The following KIAA1671 variants were observed in gnomAD, a reference collection of about 807,000 sequenced individuals.
KIAA1671 encodes the protein uncharacterized protein KIAA1671.
Under a neutral mutation model 131.2 loss-of-function variants are expected in KIAA1671, and 52 were observed. The observed-to-expected ratio is 0.40, with a 90% CI of 0.32 to 0.50. The LOEUF (loss-of-function observed/expected upper bound fraction) is 0.50, where lower values mean the gene tolerates loss of function less well. KIAA1671 is among the 20% of genes least tolerant of loss of function. The probability of loss-of-function intolerance (pLI) is 0.73; values close to 1 mark genes in which losing one functional copy is unlikely to be tolerated. For missense variants in KIAA1671, 2,360 were observed against 2,364.2 expected, an observed-to-expected ratio of 1.00 and a Z score of 0.04; for synonymous variants, 1,003 against 961.6, an observed-to-expected ratio of 1.04 and a Z score of -0.80.
intron 1 of KIAA1671, among the ~76,000 whole-genome samples, chr22:24,997,655 G>A (rs573878765): frequency 2.0e-5 from 3 of 152,228 alleles, no homozygotes; most frequent in South Asian, 4.1e-4. Flanking sequence ...CAAGGCTGTG[G>A]TGGTGAGGGG....
At chr22:24,962,182 C>G (rs575426625) in intron 1 of KIAA1671, among the ~76,000 whole-genome samples, 1 of 152,150 alleles carries the variant, frequency 6.6e-6, no homozygotes, top group Non-Finnish European at 1.5e-5. Context: ...GAGAACGCAG[C>G]GACGCCAAGG....
chr22:24,966,749 T>C (rs1922325465), intron 1 of KIAA1671, among the ~76,000 whole-genome samples: 1 of 152,136 alleles, frequency 6.6e-6, no homozygotes, highest in South Asian at 2.1e-4. Context: ...GCCCAGGAGT[T>C]TGAGACCAGC....
At chr22:25,120,296 C>G (rs1205841550) in intron 6 of KIAA1671, among the ~76,000 whole-genome samples, 3 of 152,252 alleles carry the variant, frequency 2.0e-5, no homozygotes, top group African/African-American at 7.2e-5. Context: ...CATGATGTCA[C>G]TTCATTCTCT....
intron 7 of KIAA1671, among the ~76,000 whole-genome samples, chr22:25,173,235 C>G (rs1010893989): frequency 6.6e-6 from 1 of 151,992 alleles, no homozygotes; most frequent in Non-Finnish European, 1.5e-5. Context: ...TTCCCCCCAC[C>G]AGGCCCTTCC....
chr22:25,170,892 G>C lies in KIAA1671; in HGVS notation c.4603G>C (p.Gly1535Arg), dbSNP rs960643773. Residue 1535 changes from glycine (G) to arginine (R), a missense_variant, in exon 7 of 13, where the codon GGC becomes CGC. Gly to Arg is a moderately radical substitution (Grantham distance 125, BLOSUM62 -2). This residue lies in a region of KIAA1671 where 1,161 missense variants were observed against 1,204.7 expected (regional missense o/e 0.96). Transcript: ENST00000358431. ...CACTGACACCCTCGTGCACGAAGCC[G>C]GCAGCCAGTATGGGACGTGGACAGA... ...KDTDTLVHEA[G>R]SQYGTWTEQC... 6.4e-7 allele frequency: 1 copy of C among 1,551,646 alleles called. No homozygotes were observed. The highest frequency in any genetic ancestry group is 8.7e-7 in the Non-Finnish European group (1 of 1,147,012).
chr22:25,090,078 C>G (rs1929948716), intron 6 of KIAA1671, among the ~76,000 whole-genome samples: 1 of 152,218 alleles, frequency 6.6e-6, no homozygotes, highest in Non-Finnish European at 1.5e-5. Context: ...CAAATGCCCC[C>G]ACCTCTGCCA....
intron 6 of KIAA1671, among the ~76,000 whole-genome samples, chr22:25,081,196 A>C (rs983266844): frequency 1.3e-5 from 2 of 152,072 alleles, no homozygotes; most frequent in Non-Finnish European, 2.9e-5. Flanking sequence ...CCTCTCTGGG[A>C]CTCAGTTTCT....
chr22:24,986,650 CCCACCCACCCAT>C (rs1569198981), intron 1 of KIAA1671, among the ~76,000 whole-genome samples: 6 of 109,518 alleles, frequency 5.5e-5, no homozygotes, highest in African/African-American at 2.1e-4. Flanking sequence ...CACCCATCCA[CCCACCCACCCAT>C]CCACCCACCC....
chr22:25,185,681 A>G (rs1934454087), intron 11 of KIAA1671: 1 of 152,442 alleles, frequency 6.6e-6, no homozygotes, highest in Admixed American at 6.5e-5. Flanking sequence ...GGTGGAGGTT[A>G]AGAACAGGGG....
chr22:24,974,816 C>T (rs1398203728), intron 1 of KIAA1671, among the ~76,000 whole-genome samples: 1 of 151,664 alleles, frequency 6.6e-6, no homozygotes, highest in Admixed American at 6.6e-5. Context: ...TCTCAGCCTC[C>T]CGAGTAGCTG....
chr22:25,098,420 A>G (rs1321426502), intron 6 of KIAA1671, among the ~76,000 whole-genome samples: 1 of 152,136 alleles, frequency 6.6e-6, no homozygotes, highest in Non-Finnish European at 1.5e-5. Flanking sequence ...GACATAGAAG[A>G]TTTCTGTTCT....
chr22:25,027,189 T>C (rs1925993809), intron 2 of KIAA1671, among the ~76,000 whole-genome samples: 2 of 151,800 alleles, frequency 1.3e-5, no homozygotes, highest in Non-Finnish European at 1.5e-5. Context: ...TGAAAGCAGG[T>C]TGAGTGAGAA....
intron 6 of KIAA1671, among the ~76,000 whole-genome samples, chr22:25,116,886 A>T (rs1371655834): frequency 6.6e-6 from 1 of 152,150 alleles, no homozygotes; most frequent in Non-Finnish European, 1.5e-5. Context: ...AAATGAGAGA[A>T]CTATCTTAAA....
intron 9 of KIAA1671, among the ~76,000 whole-genome samples, chr22:25,180,536 CA>C (rs11334297): frequency 0.33 from 48,241 of 145,182 alleles, 8,007 homozygotes; most frequent in East Asian, 0.49. Context: ...GACTCTGTCT[CA>C]AAAAAAAAAA....
intron 6 of KIAA1671, chr22:25,050,683 C>A (rs375485297): frequency 2.9e-4 from 44 of 152,420 alleles, no homozygotes; most frequent in African/African-American, 9.6e-4. Flanking sequence ...GACTGTGGGG[C>A]TGAGGGAGAC....
intron 1 of KIAA1671, among the ~76,000 whole-genome samples, chr22:24,963,764 C>G (rs998299497): frequency 1.3e-5 from 2 of 151,456 alleles, no homozygotes; most frequent in African/African-American, 4.9e-5. Flanking sequence ...CATGGTGAAA[C>G]CCCGTCTCTA....
At position 25,049,286 on chromosome 22, in the gene KIAA1671, C is replaced by G; in HGVS notation, c.4452C>G (p.Leu1484=). 1 of 1,551,888 alleles carries G rather than the reference C, an allele frequency of 6.4e-7. No individual in the cohort carries two copies. Residue 1484 remains leucine, a synonymous_variant, in exon 6 of 13, where the codon CTC becomes CTG. Transcript: ENST00000358431. The part of the protein sequence containing the change: ...EDAPQEKERP[L]QQVSPVASVP... ...CCCCCCAGGAGAAGGAGCGACCGCTCCAGCAGGTGTCCCCTGTGGCCTCGG... is the reference window on the plus strand; with the variant it reads ...CCCCCCAGGAGAAGGAGCGACCGCTGCAGCAGGTGTCCCCTGTGGCCTCGG...
At position 25,041,177 on chromosome 22, in the gene KIAA1671, G is replaced by A; in HGVS notation, c.4047G>A (p.Lys1349=). ...AKCQNYLAES[K]PSGREDPGSG... ...GTCAGAATTACCTGGCTGAGTCAAAGCCCTCTGGTCGGGAGGATCCAGGCA... is the reference window on the plus strand; with the variant it reads ...GTCAGAATTACCTGGCTGAGTCAAAACCCTCTGGTCGGGAGGATCCAGGCA... Residue 1349 remains lysine (K), a synonymous_variant, in exon 5 of 13, where the codon AAG becomes AAA. Transcript: ENST00000358431. The A allele has an allele frequency of 6.4e-7, 1 of 1,551,776 alleles. No homozygotes were observed. Among genetic ancestry groups the A allele is most frequent in the Non-Finnish European group, 8.7e-7 (1 of 1,146,988 alleles).
chr22:24,976,902 G>A (rs1466652972), intron 1 of KIAA1671, among the ~76,000 whole-genome samples: 4 of 141,466 alleles, frequency 2.8e-5, no homozygotes, highest in Admixed American at 7.0e-5. Context: ...TTATTGGGTC[G>A]GGGAGGATAG....
Sources: gnomAD v4.1 joint callset for allele counts (sites outside exome capture counted in the v4.1 genomes callset) on GRCh38, gnomAD v4.1.1 for gene constraint, gnomAD v4.1.1 regional missense constraint, MANE v1.5 for transcripts, NCBI Gene and HGNC (gene_info 2026-07-23, HGNC 2026-07-21) for gene names.